Variants in CCDC170 observed in about 807,000 individuals in gnomAD.
The protein encoded by CCDC170 is coiled-coil domain-containing protein 170.
Under a neutral mutation model 72.6 loss-of-function variants are expected in CCDC170, and 69 were observed. The observed-to-expected ratio is 0.95, with a 90% CI of 0.78 to 1.16. The LOEUF is 1.16. Ranked by LOEUF, CCDC170 falls within the 50% of genes most tolerant of loss-of-function variation. The probability of loss-of-function intolerance (pLI) is 0.00; values close to 1 mark genes in which losing one functional copy is unlikely to be tolerated. For missense variants in CCDC170, 852 were observed against 832.5 expected, an observed-to-expected ratio of 1.02 and a Z score of -0.29; for synonymous variants, 300 against 303.9, an observed-to-expected ratio of 0.99 and a Z score of 0.13.
intron 5 of CCDC170, among the ~76,000 whole-genome samples, chr6:151,549,489 A>C (rs1210797616): frequency 6.6e-6 from 1 of 152,226 alleles, no homozygotes; most frequent in African/African-American, 2.4e-5. Context: ...AAGAAACAAA[A>C]TTCTAAATGT....
intron 7 of CCDC170, among the ~76,000 whole-genome samples, chr6:151,591,661 A>AT (rs780631628): frequency 2.0e-4 from 30 of 151,672 alleles, no homozygotes; most frequent in Non-Finnish European, 3.1e-4. Flanking sequence ...CGCCCAGCTA[A>AT]TTTTTTTGTA....
chr6:151,560,779 T>G (rs1384135314), intron 5 of CCDC170, among the ~76,000 whole-genome samples: 1 of 152,176 alleles, frequency 6.6e-6, no homozygotes, highest in African/African-American at 2.4e-5. Flanking sequence ...GAATAGCAAC[T>G]TTTGCTCTTT....
At chr6:151,596,993 ATTTTGTAT>A (rs1776636590) in intron 9 of CCDC170, among the ~76,000 whole-genome samples, 1 of 151,978 alleles carries the variant, frequency 6.6e-6, no homozygotes, top group South Asian at 2.1e-4. Context: ...CGCCTGGCTA[ATTTTGTAT>A]TTTTAGTGGA....
chr6:151,524,090 T>C (rs1488725331), intron 1 of CCDC170, among the ~76,000 whole-genome samples: 2 of 152,168 alleles, frequency 1.3e-5, no homozygotes, highest in Non-Finnish European at 2.9e-5. Flanking sequence ...TTGCATAAGG[T>C]GCAAATTTCT....
intron 1 of CCDC170, among the ~76,000 whole-genome samples, chr6:151,531,960 C>G (rs911522044): frequency 6.6e-6 from 1 of 152,258 alleles, no homozygotes; most frequent in African/African-American, 2.4e-5. Context: ...ATGGGAACTA[C>G]AATTCAAGAT....
intron 5 of CCDC170, among the ~76,000 whole-genome samples, chr6:151,552,208 A>G (rs894840730): frequency 1.3e-5 from 2 of 152,040 alleles, no homozygotes; most frequent in African/African-American, 4.8e-5. Flanking sequence ...CAAGAATATT[A>G]TGTATTATAT....
intron 1 of CCDC170, among the ~76,000 whole-genome samples, chr6:151,496,147 CTGAT>C (rs1370193304): frequency 2.0e-5 from 3 of 152,056 alleles, no homozygotes; most frequent in African/African-American, 4.8e-5. Context: ...GTAAGTTTCT[CTGAT>C]TGTCCTTCGT....
chr6:151,505,951 A>G (rs764561478), intron 1 of CCDC170, among the ~76,000 whole-genome samples: 3 of 151,976 alleles, frequency 2.0e-5, no homozygotes, highest in Non-Finnish European at 4.4e-5. Flanking sequence ...TTAAACAAAC[A>G]AACAGCGGGC....
At chr6:151,554,050 A>G (rs1217657312) in intron 5 of CCDC170, among the ~76,000 whole-genome samples, 1 of 152,212 alleles carries the variant, frequency 6.6e-6, no homozygotes, top group Non-Finnish European at 1.5e-5. Context: ...AAATTTCGCA[A>G]ATAAAAATCC....
intron 5 of CCDC170, among the ~76,000 whole-genome samples, chr6:151,560,985 T>C (rs1253234744): frequency 2.0e-5 from 3 of 152,150 alleles, no homozygotes; most frequent in African/African-American, 4.8e-5. Context: ...TGTGAGGTTT[T>C]GTTTCTGTCA....
chr6:151,593,314 A>C lies in CCDC170; in HGVS notation c.1467+34A>C, dbSNP rs570651040. 13 of 1,593,400 alleles carry C rather than the reference A, an allele frequency of 8.2e-6. No individual in the cohort carries two copies. In the Admixed American group the frequency reaches 8.4e-5, roughly 10 times the overall value. Reference sequence around the variant, plus strand: ...TATTGAAACTTGCTAGTATTGAGAGAAGAAATTTCTGAAAAACCCAAACAT... The same window carrying C: ...TATTGAAACTTGCTAGTATTGAGAGCAGAAATTTCTGAAAAACCCAAACAT... On this transcript the variant is annotated intron_variant, in intron 8 of 10. Coordinates refer to ENST00000239374, the MANE Select transcript of CCDC170 (RefSeq NM_025059.4).
At chr6:151,611,283 A>G (rs1237984096) in intron 9 of CCDC170, among the ~76,000 whole-genome samples, 1 of 152,178 alleles carries the variant, frequency 6.6e-6, no homozygotes, top group Non-Finnish European at 1.5e-5. Flanking sequence ...CTGAAAAAAA[A>G]AAAGAAAGAA....
chr6:151,569,693 CT>C (rs1677020385), intron 5 of CCDC170, among the ~76,000 whole-genome samples: 1 of 152,240 alleles, frequency 6.6e-6, no homozygotes, highest in African/African-American at 2.4e-5. Context: ...AGAATCCACT[CT>C]GATGGCTTTC....
At chr6:151,499,058 T>C (rs113113483) in intron 1 of CCDC170, among the ~76,000 whole-genome samples, 1,839 of 116,448 alleles carry the variant, frequency 0.016, 75 homozygotes, top group African/African-American at 0.068. Context: ...ATTTGACTAT[T>C]CTAGGCACTC....
intron 9 of CCDC170, among the ~76,000 whole-genome samples, chr6:151,607,971 G>A (rs1362267830): frequency 6.6e-6 from 1 of 152,016 alleles, no homozygotes; most frequent in Non-Finnish European, 1.5e-5. Context: ...TTCCAGTAAT[G>A]CAAATATTTG....
At chr6:151,616,101 G>T (rs892599829) in intron 10 of CCDC170, among the ~76,000 whole-genome samples, 1 of 152,126 alleles carries the variant, frequency 6.6e-6, no homozygotes, top group Non-Finnish European at 1.5e-5. Flanking sequence ...TGGTTCTGGG[G>T]AGGTTTTTGT....
intron 1 of CCDC170, among the ~76,000 whole-genome samples, chr6:151,499,602 A>G (rs1427089350): frequency 4.9e-5 from 5 of 101,852 alleles, no homozygotes; most frequent in African/African-American, 1.4e-4. Context: ...GTGGAATCAG[A>G]CCGTATTTGA....
At chr6:151,538,376 G>C in intron 3 of CCDC170, 75 bp downstream of exon 3, 1 of 1,383,196 alleles carries the variant, frequency 7.2e-7, no homozygotes, top group Non-Finnish European at 9.9e-7. Flanking sequence ...ATATGTCTTT[G>C]AAAGTACTGG....
chr6:151,573,730 A>T lies in CCDC170; in HGVS notation c.1092+239A>T, dbSNP rs892001577. 3.0e-4 allele frequency among the ~76,000 whole-genome samples: 45 copies of T among 152,324 alleles called. No homozygotes were observed. In the East Asian group the frequency reaches 4.8e-3, roughly 16 times the overall value. ...CATCTTACGTGGTGGCAGGCAAGAG[A>T]GAGAGTGTGCAGGGGAACTGCCCTT... On this transcript the variant is annotated intron_variant, in intron 6 of 10. Transcript: ENST00000239374.
Sources: allele counts gnomAD v4.1 joint callset (sites outside exome capture counted in the v4.1 genomes callset), GRCh38; gene constraint gnomAD v4.1.1; transcripts MANE v1.5; gene names NCBI Gene and HGNC (gene_info 2026-07-23, HGNC 2026-07-21).